Variants in FN3K observed in about 807,000 individuals in gnomAD.
FN3K encodes the protein fructosamine-3-kinase.
Under a neutral mutation model 24.8 loss-of-function variants are expected in FN3K, and 24 were observed. That is an observed-to-expected ratio of 0.97 (90% CI 0.70 to 1.36). FN3K has a LOEUF of 1.36. Among genes scored for constraint, FN3K ranks in the 40% most tolerant of loss-of-function variants. The pLI, the probability that FN3K is intolerant of heterozygous loss-of-function variation, is 0.00. For missense variants in FN3K, 449 were observed against 416.7 expected (o/e 1.08, Z -0.67); for synonymous variants, 192 against 175.2 (o/e 1.10, Z -0.76).
chr17:82,751,150 T>G lies in FN3K; in HGVS notation c.*395T>G. On this transcript the variant is annotated 3_prime_UTR_variant, in exon 6 of 6. Coordinates refer to ENST00000300784, the MANE Select transcript of FN3K (RefSeq NM_022158.4). ...TCCCTGTCCCCCTTCCCCCGACCCC[T>G]CCCAGATCCTGGGGACCAATAAAGC... is the stretch of plus-strand genomic sequence containing the variant. The G allele has an allele frequency of 2.4e-5, 1 of 42,108 alleles. No individual in the cohort carries two copies. The highest frequency in any genetic ancestry group is 2.8e-4 in the Admixed American group (1 of 3,530). The allele number at this position is 42,108 out of a possible 1,614,324, so 2.6% of individuals were successfully genotyped here.
At chr17:82,744,655 G>A (rs1351493141) in intron 4 of FN3K, among the ~76,000 whole-genome samples, 1 of 152,128 alleles carries the variant, frequency 6.6e-6, no homozygotes, top group South Asian at 2.1e-4. Context: ...GGGAACTAGC[G>A]TTCAGCATAT....
intron 4 of FN3K, among the ~76,000 whole-genome samples, chr17:82,747,924 G>T (rs571187123): frequency 6.6e-6 from 1 of 152,144 alleles, no homozygotes; most frequent in African/African-American, 2.4e-5. Context: ...GGGCTTCAAC[G>T]TAGGAACGGG....
At chr17:82,741,892 T>G (rs1252531304) in intron 4 of FN3K, among the ~76,000 whole-genome samples, 1 of 152,146 alleles carries the variant, frequency 6.6e-6, no homozygotes, top group Non-Finnish European at 1.5e-5. Context: ...CTCCAGAACA[T>G]TTTCTTTCTT....
chr17:82,746,120 A>G (rs964901517), intron 4 of FN3K, among the ~76,000 whole-genome samples: 7 of 151,186 alleles, frequency 4.6e-5, no homozygotes, highest in Non-Finnish European at 1.0e-4. Flanking sequence ...AAACTACCAA[A>G]CTCTTTTCCA....
chr17:82,743,396 G>A (rs1458874858), intron 4 of FN3K, among the ~76,000 whole-genome samples: 2 of 152,224 alleles, frequency 1.3e-5, no homozygotes, highest in African/African-American at 4.8e-5. Context: ...TAGGAAGGGT[G>A]AGGCGCCAGG....
intron 4 of FN3K, among the ~76,000 whole-genome samples, chr17:82,746,284 T>C (rs1401742924): frequency 6.6e-6 from 1 of 152,114 alleles, no homozygotes; most frequent in East Asian, 1.9e-4. Context: ...TGCATTTCCA[T>C]AATGACTGAA....
chr17:82,741,526 G>C, intron 4 of FN3K, 133 bp downstream of exon 4: 2 of 845,042 alleles, frequency 2.4e-6, no homozygotes, highest in Non-Finnish European at 3.8e-6. Flanking sequence ...TAGAAGCTGT[G>C]ATACCTGGAA....
rs554590621 is a variant in FN3K at position 82,749,144 on chromosome 17, C to T, written c.591+167C>T. 1,025 of 1,053,228 alleles carry T rather than the reference C, an allele frequency of 9.7e-4. 10 individuals are homozygous for T. The Middle Eastern group carries it at 0.011, about 11-fold the overall frequency. 65.2% of individuals were successfully genotyped at this position (1,053,228 alleles called of 1,614,324 possible). ...GCGGGGGTTCCCCCAAAAGGGAGTC[C>T]GAAAGGAGTGAGGAGTGAAGACACA... On this transcript the variant is annotated intron_variant, in intron 5 of 5. Transcript: ENST00000300784.
At chr17:82,739,066 G>A (rs2046925354) in intron 2 of FN3K, among the ~76,000 whole-genome samples, 1 of 150,462 alleles carries the variant, frequency 6.6e-6, no homozygotes, top group Non-Finnish European at 1.5e-5. Flanking sequence ...TCCCACCTCA[G>A]CCTCCTGAGT....
Position 82,751,103 on chromosome 17 carries a change from T to TCCCCCGTCTCCCCGTG in FN3K, c.*356_*357insTCCCCGTGCCCCCGTC. 1 of 14,350 alleles carries TCCCCCGTCTCCCCGTG rather than the reference T, an allele frequency of 7.0e-5. No individual in the cohort carries two copies. The highest frequency in any genetic ancestry group is 1.2e-4 in the Non-Finnish European group (1 of 8,386). The allele number at this position is 14,350 out of a possible 1,614,324, so 0.9% of individuals were successfully genotyped here. ...TCCCATCGCCGTCCCCCCGTCCCCG[T>TCCCCCGTCTCCCCGTG]CCCCCGTCCCCGTCCCCCCTGTCCC... On this transcript the variant is annotated 3_prime_UTR_variant, in exon 6 of 6. Transcript: ENST00000300784.
In FN3K at chr17:82,750,879, TCCATCCCC is replaced by T. The variant is rs2047023159; in HGVS notation, c.*127_*134del. On this transcript the variant is annotated 3_prime_UTR_variant, in exon 6 of 6. Coordinates refer to ENST00000300784, the MANE Select transcript of FN3K (RefSeq NM_022158.4). Reference sequence around the variant, plus strand: ...GTTCCCGTCTCCCCGTCCCTCCGTCTCCATCCCCCCGTCCCCCCATCCTCCTGTCCCCG... The same window carrying T: ...GTTCCCGTCTCCCCGTCCCTCCGTCTCCGTCCCCCCATCCTCCTGTCCCCG... 2.0e-6 allele frequency: 1 copy of T among 502,830 alleles called. No homozygotes were observed. The highest frequency in any genetic ancestry group is 3.3e-6 in the Non-Finnish European group (1 of 302,822). The allele number at this position is 502,830 out of a possible 1,614,324, so 31.1% of individuals were successfully genotyped here. A position where few individuals can be genotyped will look rare whatever the true frequency, so the allele number is the denominator to read the frequency against.
intron 4 of FN3K, among the ~76,000 whole-genome samples, chr17:82,747,341 T>A (rs2046973986): frequency 6.6e-6 from 1 of 152,204 alleles, no homozygotes; most frequent in Non-Finnish European, 1.5e-5. Context: ...TAAACAGATT[T>A]TAGAACTGTG....
chr17:82,741,558 G>C, intron 4 of FN3K, 165 bp downstream of exon 4: 1 of 656,624 alleles, frequency 1.5e-6, no homozygotes, highest in Middle Eastern at 3.8e-4. Flanking sequence ...GACGCTGAGG[G>C]TCACTGAGCT....
chr17:82,738,471 G>GC lies in FN3K; in HGVS notation c.142-17dup. 6.2e-7 allele frequency: 1 copy of GC among 1,611,780 alleles called. No individual in the cohort carries two copies. The stretch of plus-strand genomic sequence containing the variant: ...TGGCTGAGTCAACAAGGCTGACAAG[G>GC]CTGTGTTCTGGATGCAGGCCCGGCA... On this transcript the variant is annotated splice_polypyrimidine_tract_variant and intron_variant, in intron 1 of 5. Transcript: ENST00000300784.
intron 1 of FN3K, 162 bp downstream of exon 1, chr17:82,735,939 G>C (rs907106579): frequency 9.0e-6 from 8 of 885,904 alleles, no homozygotes; most frequent in Non-Finnish European, 1.4e-5. Flanking sequence ...CAAGCGTTCT[G>C]TGAAGGTTTG....
At position 82,738,614 on chromosome 17, in the gene FN3K, G is replaced by A. The variant is rs773457417; in HGVS notation, c.267G>A (p.Glu89=). 1.2e-6 allele frequency: 2 copies of A among 1,614,084 alleles called. No homozygotes were observed. The highest frequency in any genetic ancestry group is 8.5e-7 in the Non-Finnish European group (1 of 1,180,000). Residue 89 remains glutamate (E), a synonymous_variant, in exon 2 of 6, where the codon GAG becomes GAA. Coordinates refer to ENST00000300784, the MANE Select transcript of FN3K (RefSeq NM_022158.4). Reference sequence around the variant, plus strand: ...GAGGTGGGGCCGCCTTTGTGATGGAGCATTTGAAGATGAAGAGCTTGAGCA... The same window carrying A: ...GAGGTGGGGCCGCCTTTGTGATGGAACATTTGAAGATGAAGAGCTTGAGCA... ...LPGGGAAFVM[E]HLKMKSLSSQ... is the part of the protein sequence containing the mutation.
rs568631853 is a variant in FN3K, at chr17:82,750,762, C to T, written c.*7C>T. ...GCGAAGGCTGCTCAAGTAGCGGCCC[C>T]TGCCCTCCCTTCCCCTGTCCCCGTC... On this transcript the variant is annotated 3_prime_UTR_variant, in exon 6 of 6. Coordinates refer to ENST00000300784, the MANE Select transcript of FN3K (RefSeq NM_022158.4). 6.2e-7 allele frequency: 1 copy of T among 1,607,766 alleles called. No homozygotes were observed. Among genetic ancestry groups the T allele is most frequent in the African/African-American group, 1.3e-5 (1 of 74,828 alleles).
intron 4 of FN3K, chr17:82,745,625 T>C (rs1360610644): frequency 2.0e-5 from 3 of 152,242 alleles, no homozygotes; most frequent in African/African-American, 7.2e-5. Flanking sequence ...ACAGCCTGTT[T>C]ATCCATTCAC....
At chr17:82,738,925 C>CGTATATATATATATAT in intron 2 of FN3K, among the ~76,000 whole-genome samples, 1 of 104,092 alleles carries the variant, frequency 9.6e-6, no homozygotes, top group African/African-American at 4.1e-5. Context: ...TATATATACA[C>CGTATATATATATATAT]ATATATATAT....
Sources: gnomAD v4.1 joint callset for allele counts (sites outside exome capture counted in the v4.1 genomes callset) on GRCh38, gnomAD v4.1.1 for gene constraint, MANE v1.5 for transcripts, NCBI Gene and HGNC (gene_info 2026-07-23, HGNC 2026-07-21) for gene names.